The following SORL1 variants were observed in gnomAD, a reference collection of about 807,000 sequenced individuals.
SORL1 encodes sortilin-related receptor.
In SORL1, 127 loss-of-function variants were observed where a neutral mutation model predicts 273.7. The ratio of observed to expected loss-of-function variants is 0.46; its 90% confidence interval spans 0.40 to 0.54. SORL1 has a LOEUF of 0.54. Ranked by LOEUF, SORL1 falls within the 20% of genes least tolerant of loss-of-function variation. The pLI is 0.00. For synonymous variants in SORL1, 1,031 were observed against 1,067.4 expected (o/e 0.97, Z 0.66); for missense variants, 2,494 against 2,846.1 (o/e 0.88, Z 2.81).
intron 12 of SORL1, among the ~76,000 whole-genome samples, chr11:121,535,091 T>G (rs1862249325): frequency 4.0e-5 from 1 of 25,078 alleles, no homozygotes; most frequent in Admixed American, 3.4e-4. Context: ...TGCTTATGGT[T>G]TTTTTTTTTT....
chr11:121,608,264 C>T (rs1452738316), intron 38 of SORL1, 88 bp downstream of exon 38: 32 of 1,103,242 alleles, frequency 2.9e-5, no homozygotes, highest in Middle Eastern at 2.0e-4. Context: ...AATGGAGAAA[C>T]GTAGTTTAGA....
chr11:121,608,270 T>G, intron 38 of SORL1, 94 bp downstream of exon 38: 1 of 1,049,032 alleles, frequency 9.5e-7, no homozygotes, highest in Non-Finnish European at 1.4e-6. Context: ...GAAACGTAGT[T>G]TAGAAAAACA....
chr11:121,557,243 C>A, intron 18 of SORL1, 71 bp from the exon 19 acceptor site: 2 of 1,082,608 alleles, frequency 1.8e-6, no homozygotes, highest in Non-Finnish European at 2.9e-6. Context: ...AGCTGAGTAG[C>A]CATCTTTGGC....
chr11:121,587,440 T>C (rs1863132345), intron 27 of SORL1, among the ~76,000 whole-genome samples: 1 of 152,212 alleles, frequency 6.6e-6, no homozygotes, highest in South Asian at 2.1e-4. Context: ...TGTGTGGGCA[T>C]TCCTGGTGTC....
intron 26 of SORL1, among the ~76,000 whole-genome samples, chr11:121,585,016 G>C (rs1863073231): frequency 6.6e-6 from 1 of 152,208 alleles, no homozygotes; most frequent in African/African-American, 2.4e-5. Context: ...GAACTGTTGT[G>C]AAACCTCAGG....
intron 5 of SORL1, among the ~76,000 whole-genome samples, chr11:121,493,051 T>G (rs1008096568): frequency 7.2e-5 from 11 of 152,166 alleles, no homozygotes; most frequent in Non-Finnish European, 1.3e-4. Context: ...CTATCATAGC[T>G]TACAGCAGCT....
rs1370900758 is a variant in SORL1, at chr11:121,522,774, C to A, written c.1522+71C>A. ...ATGTGCAGGCCAAATGCAGAGCGATCACCCACACCTCCAGCAGTAACCACG... is the reference window on the plus strand; with the variant it reads ...ATGTGCAGGCCAAATGCAGAGCGATAACCCACACCTCCAGCAGTAACCACG... On this transcript the variant is annotated intron_variant, in intron 10 of 47. Transcript: ENST00000260197. 5.1e-6 allele frequency: 7 copies of A among 1,386,032 alleles called. No individual in the cohort carries two copies. In the East Asian group the frequency reaches 9.1e-5, roughly 18 times the overall value. 85.9% of individuals were successfully genotyped at this position (1,386,032 alleles called of 1,614,324 possible). A position where few individuals can be genotyped will look rare whatever the true frequency, so the allele number is the denominator to read the frequency against.
At position 121,628,212 on chromosome 11, in the gene SORL1, C is replaced by T. The variant is rs140876179; in HGVS notation, c.6577+445C>T. ...TTTCTGGTTGCTAGTGTAACCTCAC[C>T]AGCCATTCTTTTATGTACCTTAACA... On this transcript the variant is annotated intron_variant, in intron 47 of 47. Transcript: ENST00000260197. Among the ~76,000 whole-genome samples the T allele has an allele frequency of 2.3e-3, 354 of 152,316 alleles. 1 individual carries two copies. The highest frequency in any genetic ancestry group is 4.2e-3 in the Admixed American group (64 of 15,298).
chr11:121,611,252 A>G (rs1863559558), intron 39 of SORL1, 94 bp downstream of exon 39: 1 of 861,616 alleles, frequency 1.2e-6, no homozygotes, highest in Non-Finnish European at 1.9e-6. Context: ...AAAAAACAAA[A>G]AACAAAAAAC....
chr11:121,534,175 C>T (rs1376726991), intron 12 of SORL1, among the ~76,000 whole-genome samples: 2 of 152,126 alleles, frequency 1.3e-5, no homozygotes, highest in East Asian at 3.8e-4. Context: ...AGTTTGGCTT[C>T]CTAGGAATAC....
chr11:121,605,353 C>A, intron 34 of SORL1, 49 bp from the exon 35 acceptor site: 1 of 1,587,408 alleles, frequency 6.3e-7, no homozygotes, highest in South Asian at 1.1e-5. Flanking sequence ...ACATCTCAGC[C>A]CCCCATGCTG....
intron 6 of SORL1, 84 bp downstream of exon 6, chr11:121,497,133 C>A: frequency 1.7e-6 from 2 of 1,149,152 alleles, no homozygotes; most frequent in Non-Finnish European, 2.5e-6. Flanking sequence ...GGTGAGTTTG[C>A]ATACACAGGA....
chr11:121,612,714 C>T (rs1863584958), intron 39 of SORL1, 22 bp from the exon 40 acceptor site: 6 of 1,589,816 alleles, frequency 3.8e-6, no homozygotes, highest in Non-Finnish European at 5.2e-6. Context: ...GTTCATCTAA[C>T]ATGCTTCTTG....
Position 121,604,174 on chromosome 11 carries a change from A to G in SORL1, c.4520-19A>G. ...TACGGCCCCTCCCCGTGGACTTAAG[A>G]AGCCTCTCTGTGTTTCAGCCACACA... is the stretch of plus-strand genomic sequence containing the variant. On this transcript the variant is annotated intron_variant, in intron 32 of 47. Transcript: ENST00000260197. 1.2e-6 allele frequency: 2 copies of G among 1,613,456 alleles called. No homozygotes were observed. Among genetic ancestry groups the G allele is most frequent in the South Asian group, 2.2e-5 (2 of 91,066 alleles).
chr11:121,575,388 A>G (rs983488217), intron 24 of SORL1, among the ~76,000 whole-genome samples: 5 of 152,372 alleles, frequency 3.3e-5, no homozygotes, highest in South Asian at 2.1e-4. Flanking sequence ...GAGGGAAGTG[A>G]GAGTGGAGGT....
At position 121,630,149 on chromosome 11, in the gene SORL1, A is replaced by T. The variant is rs1863854415; in HGVS notation, c.*586A>T. 1 of 152,582 alleles carries T rather than the reference A, an allele frequency of 6.6e-6. No individual in the cohort carries two copies. The highest frequency in any genetic ancestry group is 2.4e-5 in the African/African-American group (1 of 41,412). The allele number at this position is 152,582 out of a possible 1,614,324, so 9.5% of individuals were successfully genotyped here. A position where few individuals can be genotyped will look rare whatever the true frequency, so the allele number is the denominator to read the frequency against. ...GGGTTGGGGGTGGGAAGAGAAGCATATTTTTTTGCCATTCCGGAAGCAATC... is the reference window on the plus strand; with the variant it reads ...GGGTTGGGGGTGGGAAGAGAAGCATTTTTTTTTGCCATTCCGGAAGCAATC... On this transcript the variant is annotated 3_prime_UTR_variant, in exon 48 of 48. Coordinates refer to ENST00000260197, the MANE Select transcript of SORL1 (RefSeq NM_003105.6).
intron 10 of SORL1, 66 bp downstream of exon 10, chr11:121,522,769 G>C: frequency 7.1e-7 from 1 of 1,415,526 alleles, no homozygotes; most frequent in Non-Finnish European, 1.0e-6. Context: ...CAAATGCAGA[G>C]CGATCACCCA....
intron 45 of SORL1, among the ~76,000 whole-genome samples, chr11:121,623,652 T>C (rs981876502): frequency 6.6e-6 from 1 of 152,208 alleles, no homozygotes; most frequent in Non-Finnish European, 1.5e-5. Flanking sequence ...TAGGAAAGAA[T>C]GCGGGGATGA....
chr11:121,529,361 C>A (rs537723202), intron 11 of SORL1, among the ~76,000 whole-genome samples: 1 of 151,806 alleles, frequency 6.6e-6, no homozygotes, highest in Admixed American at 6.6e-5. Context: ...GGATTTCAGG[C>A]GCTCACCACC....
Sources: gnomAD v4.1 joint callset for allele counts (sites outside exome capture counted in the v4.1 genomes callset) on GRCh38, gnomAD v4.1.1 for gene constraint, MANE v1.5 for transcripts, NCBI Gene and HGNC (gene_info 2026-07-23, HGNC 2026-07-21) for gene names.